CSF1R: variants seen among roughly 807,000 people sequenced by gnomAD.
The protein encoded by CSF1R is colony stimulating factor 1 receptor.
CSF1R carries 40 observed loss-of-function variants against 110.0 expected under a neutral mutation model. The ratio of observed to expected loss-of-function variants is 0.36; its 90% CI spans 0.28 to 0.47. CSF1R has a LOEUF of 0.47. Ranked by LOEUF, CSF1R falls within the 20% of genes least tolerant of loss-of-function variation. The probability of loss-of-function intolerance (pLI) is 0.99; values close to 1 mark genes in which losing one functional copy is unlikely to be tolerated. For synonymous variants in CSF1R, 523 were observed against 503.4 expected, an observed-to-expected ratio of 1.04 and a Z score of -0.52; for missense variants, 1,052 against 1,253.0, an observed-to-expected ratio of 0.84 and a Z score of 2.42.
rs1369020823 is a variant in CSF1R, at chr5:150,054,222, G to C, written c.2766C>G (p.Asp922Glu). ...EQAQEDRRER[D>E]YTNLPSSSRS... ...TGCTGCTGCTCGGCAGATTGGTATA[G>C]TCCTGAGGGTGGGAGGGACCAGAAA... The change falls in exon 21 of 21, where the codon GAC (aspartate) becomes GAG (glutamate). Residue 922 changes from aspartate to glutamate, a missense_variant and splice_region_variant. Asp to Glu is a conservative substitution (Grantham distance 45, BLOSUM62 2). This residue lies in a region of CSF1R where 85 missense variants were observed against 78.8 expected (regional missense o/e 1.08). Transcript: ENST00000675795. The C allele has an allele frequency of 1.2e-6, 2 of 1,612,282 alleles. No individual in the cohort carries two copies. Among genetic ancestry groups the C allele is most frequent in the South Asian group, 2.2e-5 (2 of 90,746 alleles).
At chr5:150,078,294 T>C in intron 3 of CSF1R, 46 bp from the exon 4 acceptor site, 1 of 1,608,408 alleles carries the variant, frequency 6.2e-7, no homozygotes, top group South Asian at 1.1e-5. Context: ...TCCCTGAACA[T>C]GATAGAGATA....
rs141617898 is a variant in CSF1R, at chr5:150,107,414, G to A, written c.-181+5847C>T. Among the ~76,000 whole-genome samples the A allele has an allele frequency of 3.9e-5, 6 of 152,272 alleles. No individual in the cohort carries two copies. The South Asian group carries it at 8.3e-4, about 21-fold the overall frequency. ...CAGGGGCATGAAGAAGGACTGTTCT[G>A]GTTGATCCATTGGGCACACTCTTCA... On this transcript the variant is annotated intron_variant, in intron 1 of 21. Coordinates refer to the CSF1R transcript ENST00000286301.
In CSF1R at chr5:150,053,955, G is replaced by A; in HGVS notation, c.*114C>T. On this transcript the variant is annotated 3_prime_UTR_variant, in exon 21 of 21. Coordinates refer to ENST00000675795, the MANE Select transcript of CSF1R (RefSeq NM_001288705.3). ...TTCCCAAGTTTCAGAGCTGGGCCGA[G>A]CTGTTGAGTGAAATGACCGAAGGCA... is the stretch of plus-strand genomic sequence containing the variant. 1.9e-6 allele frequency: 2 copies of A among 1,074,316 alleles called. No homozygotes were observed. Among genetic ancestry groups the A allele is most frequent in the South Asian group, 1.5e-5 (1 of 67,716 alleles). 66.5% of individuals were successfully genotyped at this position (1,074,316 alleles called of 1,614,324 possible). A position where few individuals can be genotyped will look rare whatever the true frequency, so the allele number is the denominator to read the frequency against.
At chr5:150,111,371 G>T (rs2113873420) in intron 1 of CSF1R, among the ~76,000 whole-genome samples, 1 of 152,324 alleles carries the variant, frequency 6.6e-6, no homozygotes, top group South Asian at 2.1e-4. Flanking sequence ...CCGCCTGAGG[G>T]GAGAGACTGG....
intron 14 of CSF1R, among the ~76,000 whole-genome samples, chr5:150,058,443 G>A (rs1027361422): frequency 1.3e-5 from 2 of 152,154 alleles, no homozygotes; most frequent in South Asian, 2.1e-4. Flanking sequence ...AGGAGAAACC[G>A]AAAAAACCTT....
intron 1 of CSF1R, among the ~76,000 whole-genome samples, chr5:150,107,799 T>C (rs1759597929): frequency 6.6e-6 from 1 of 152,146 alleles, no homozygotes; most frequent in Non-Finnish European, 1.5e-5. Flanking sequence ...TTATGTAAAA[T>C]GGGGAAGGGG....
At chr5:150,081,614 A>G (rs1049390194) in intron 1 of CSF1R, among the ~76,000 whole-genome samples, 4 of 152,116 alleles carry the variant, frequency 2.6e-5, no homozygotes, top group Non-Finnish European at 5.9e-5. Context: ...CACCTATAAA[A>G]CAGGGACAAT....
chr5:150,087,640 C>T (rs1441364626), upstream of CSF1R, among the ~76,000 whole-genome samples: 1 of 152,214 alleles, frequency 6.6e-6, no homozygotes, highest in Non-Finnish European at 1.5e-5. Flanking sequence ...TTTGCTCCCT[C>T]TTTTCCTGGA....
rs142730720 is a variant in CSF1R, at chr5:150,053,974, G to A, written c.*95C>T. ...GGCCGAGCTGTTGAGTGAAATGACC[G>A]AAGGCAGAGTTTGTATGTTCTCCCC... On this transcript the variant is annotated 3_prime_UTR_variant, in exon 21 of 21. Coordinates refer to ENST00000675795, the MANE Select transcript of CSF1R (RefSeq NM_001288705.3). 2.3e-4 allele frequency: 294 copies of A among 1,291,312 alleles called. No individual in the cohort carries two copies. The African/African-American group carries it at 3.2e-3, about 14-fold the overall frequency. The allele number at this position is 1,291,312 out of a possible 1,614,324, so 80.0% of individuals were successfully genotyped here.
chr5:150,087,833 AAGCCATCCTCCT>A (rs111549963), upstream of CSF1R, among the ~76,000 whole-genome samples: 23 of 151,986 alleles, frequency 1.5e-4, 1 homozygote, highest in African/African-American at 5.6e-4. Flanking sequence ...TCCCGGACTC[AAGCCATCCTCCT>A]ACCTCATCCT....
At position 150,086,458 on chromosome 5, in the gene CSF1R, A is replaced by G. The variant is rs1230707876; in HGVS notation, c.-31T>C. The G allele has an allele frequency of 6.3e-7, 1 of 1,597,192 alleles. No homozygotes were observed. The highest frequency in any genetic ancestry group is 1.1e-5 in the South Asian group (1 of 87,760). Reference sequence around the variant, plus strand: ...CGGTGGGGAAGTGGCAGGCAGGTGCAGGGCTGCAAGGTGCCCAGGGCACAG... The same window carrying G: ...CGGTGGGGAAGTGGCAGGCAGGTGCGGGGCTGCAAGGTGCCCAGGGCACAG... On this transcript the variant is annotated 5_prime_UTR_variant, in exon 1 of 21. Coordinates refer to ENST00000675795, the MANE Select transcript of CSF1R (RefSeq NM_001288705.3).
At chr5:150,107,670 C>A (rs1759594513) in intron 1 of CSF1R, among the ~76,000 whole-genome samples, 1 of 152,246 alleles carries the variant, frequency 6.6e-6, no homozygotes, top group Non-Finnish European at 1.5e-5. Flanking sequence ...GGCAGGGGCT[C>A]TCAGGAGGAT....
At chr5:150,068,187 C>T in intron 10 of CSF1R, 28 bp downstream of exon 10, 2 of 1,582,934 alleles carry the variant, frequency 1.3e-6, no homozygotes, top group African/African-American at 1.3e-5. Flanking sequence ...ACTCAGGCAC[C>T]TGGCAGCCCC....
At chr5:150,085,782 CT>C (rs756747710) in intron 1 of CSF1R, among the ~76,000 whole-genome samples, 2 of 152,290 alleles carry the variant, frequency 1.3e-5, no homozygotes, top group African/African-American at 4.8e-5. Flanking sequence ...ACCACCACCC[CT>C]ATCAGGCCCT....
At chr5:150,104,659 A>G (rs1759493846) in intron 1 of CSF1R, among the ~76,000 whole-genome samples, 1 of 152,206 alleles carries the variant, frequency 6.6e-6, no homozygotes, top group Non-Finnish European at 1.5e-5. Context: ...CAAGGCTCAG[A>G]GAAGTTAAGT....
chr5:150,082,604 A>G (rs1758600701), intron 1 of CSF1R, among the ~76,000 whole-genome samples: 1 of 152,210 alleles, frequency 6.6e-6, no homozygotes. Context: ...GCAGCAATCT[A>G]GGGCCCCCAG....
In CSF1R at chr5:150,056,011, G is replaced by C; in HGVS notation, c.2554+15C>G. 2 of 1,611,172 alleles carry C rather than the reference G, an allele frequency of 1.2e-6. No individual in the cohort carries two copies. Among genetic ancestry groups the C allele is most frequent in the South Asian group, 2.2e-5 (2 of 90,896 alleles). On this transcript the variant is annotated intron_variant, in intron 18 of 20. Transcript: ENST00000675795. Reference sequence around the variant, plus strand: ...CCAGCCCCAGGCTCTGCCTGGAGTGGGCCCAGTGGCTCACCAAGTGAGAAG... The same window carrying C: ...CCAGCCCCAGGCTCTGCCTGGAGTGCGCCCAGTGGCTCACCAAGTGAGAAG...
Position 150,085,277 on chromosome 5 carries a change from GAAA to G in CSF1R, c.49+1099_49+1101del, listed in dbSNP as rs70973563. Among the ~76,000 whole-genome samples, 74 of 92,470 alleles carry G rather than the reference GAAA, an allele frequency of 8.0e-4. 4 individuals carry two copies. The highest frequency in any genetic ancestry group is 3.6e-3 in the East Asian group (10 of 2,768). The allele number at this position is 92,470 out of a possible 152,430, so 60.7% of individuals were successfully genotyped here. On this transcript the variant is annotated intron_variant, in intron 1 of 20. Coordinates refer to ENST00000675795, the MANE Select transcript of CSF1R (RefSeq NM_001288705.3). The stretch of plus-strand genomic sequence containing the variant: ...GTGACAGAGAGAGACTCTGTCTCAG[GAAA>G]AAAAAAAAAAAAACCCAAATACTCA...
rs1157109001 is a variant in CSF1R at position 150,068,276 on chromosome 5, C to T, written c.1565G>A (p.Cys522Tyr). 6.2e-7 allele frequency: 1 copy of T among 1,612,860 alleles called. No individual in the cohort carries two copies. Reference protein sequence around the residue: ...EFLFTPVVVACMSIMALLLLL... With the variant: ...EFLFTPVVVAYMSIMALLLLL... ...CAGCAGCAAGGCCATGATGGACATG[C>T]AGGCGACCACCACTGGTGTGAAGAG... is the stretch of plus-strand genomic sequence containing the variant. The change falls in exon 10 of 21, where the codon TGC (cysteine) becomes TAC (tyrosine). Residue 522 changes from cysteine (C) to tyrosine (Y), a missense_variant. Transcript: ENST00000675795.
Sources: allele counts gnomAD v4.1 joint callset (sites outside exome capture counted in the v4.1 genomes callset), GRCh38; gene constraint gnomAD v4.1.1; regional missense constraint gnomAD v4.1.1; transcripts MANE v1.5; gene names NCBI Gene and HGNC (gene_info 2026-07-23, HGNC 2026-07-21).